The following PKIB variants were observed in gnomAD, a reference collection of about 807,000 sequenced individuals.
The protein encoded by PKIB is cAMP-dependent protein kinase inhibitor beta, also known as PKI-beta.
Under a neutral mutation model 4.5 loss-of-function variants are expected in PKIB, and 2 were observed. The observed-to-expected ratio is 0.44, with a 90% CI of 0.18 to 1.39. The LOEUF (loss-of-function observed/expected upper bound fraction) is 1.39, where lower values mean the gene tolerates loss of function less well. Among genes scored for constraint, PKIB ranks in the 40% most tolerant of loss-of-function variants. The pLI, the probability that PKIB is intolerant of heterozygous loss-of-function variation, is 0.27. For missense variants in PKIB, 94 were observed against 92.6 expected (o/e 1.02, Z -0.06); for synonymous variants, 38 against 36.0 (o/e 1.06, Z -0.20).
At chr6:122,508,446 T>G (rs1776485497) in intron 2 of PKIB, among the ~76,000 whole-genome samples, 2 of 152,180 alleles carry the variant, frequency 1.3e-5, no homozygotes, top group Non-Finnish European at 2.9e-5. Flanking sequence ...TTGATATTTG[T>G]TTTTAAGTCC....
intron 1 of PKIB, among the ~76,000 whole-genome samples, chr6:122,632,516 G>A (rs1775743207): frequency 6.6e-6 from 1 of 152,122 alleles, no homozygotes; most frequent in Non-Finnish European, 1.5e-5. Flanking sequence ...AAAATAACTA[G>A]GTTGTTTTCC....
chr6:122,624,024 A>T (rs1053007237), intron 1 of PKIB, among the ~76,000 whole-genome samples: 1 of 152,172 alleles, frequency 6.6e-6, no homozygotes, highest in Non-Finnish European at 1.5e-5. Context: ...TACTATTATT[A>T]TAGATATTTT....
At chr6:122,494,686 T>G (rs973848639) in intron 2 of PKIB, among the ~76,000 whole-genome samples, 3 of 152,092 alleles carry the variant, frequency 2.0e-5, no homozygotes, top group Admixed American at 1.3e-4. Flanking sequence ...GCTCTTCAAG[T>G]GGGTCATCAA....
intron 3 of PKIB, among the ~76,000 whole-genome samples, chr6:122,586,753 C>A (rs1011051387): frequency 3.9e-5 from 6 of 152,046 alleles, no homozygotes; most frequent in Non-Finnish European, 8.8e-5. Context: ...GACAACGGAG[C>A]AGATGGGTCT....
chr6:122,517,795 G>A (rs755336693), intron 2 of PKIB, among the ~76,000 whole-genome samples: 11 of 152,180 alleles, frequency 7.2e-5, no homozygotes, highest in Non-Finnish European at 1.2e-4. Context: ...ATCACTGAAT[G>A]TGTCAAATCC....
At chr6:122,560,575 T>C (rs1190507854) in intron 2 of PKIB, among the ~76,000 whole-genome samples, 1 of 152,132 alleles carries the variant, frequency 6.6e-6, no homozygotes, top group Non-Finnish European at 1.5e-5. Flanking sequence ...GGAGGGTTCC[T>C]TCTTTCTCTA....
chr6:122,493,529 T>C (rs1457213234), intron 2 of PKIB: 2 of 152,240 alleles, frequency 1.3e-5, no homozygotes, highest in African/African-American at 4.8e-5. Context: ...TCTTCATGTT[T>C]CTAACAGATT....
intron 3 of PKIB, among the ~76,000 whole-genome samples, chr6:122,716,214 AT>A (rs1779488609): frequency 6.6e-6 from 1 of 152,200 alleles, no homozygotes; most frequent in South Asian, 2.1e-4. Flanking sequence ...GAGTTCATTT[AT>A]TCTTTATCTC....
At chr6:122,512,480 T>A (rs1776615022) in intron 2 of PKIB, among the ~76,000 whole-genome samples, 1 of 152,224 alleles carries the variant, frequency 6.6e-6, no homozygotes, top group African/African-American at 2.4e-5. Context: ...ATAAATGGAT[T>A]TAACATTTAA....
At chr6:122,545,814 A>C (rs984701424) in intron 2 of PKIB, among the ~76,000 whole-genome samples, 6 of 151,364 alleles carry the variant, frequency 4.0e-5, no homozygotes. Context: ...AAAATAAATG[A>C]ATAAATAAAG....
chr6:122,513,413 G>C (rs768069191), intron 2 of PKIB, among the ~76,000 whole-genome samples: 3 of 152,124 alleles, frequency 2.0e-5, no homozygotes, highest in Non-Finnish European at 4.4e-5. Flanking sequence ...ATCCTGGAGT[G>C]AAAGAACGAC....
At chr6:122,690,915 G>GAT (rs55770226) in intron 3 of PKIB, among the ~76,000 whole-genome samples, 10,907 of 84,622 alleles carry the variant, frequency 0.13, 505 homozygotes, top group South Asian at 0.21. Flanking sequence ...ATGCTTGAAG[G>GAT]ATATATATAT....
chr6:122,606,150 T>G (rs1174067099), upstream of PKIB, among the ~76,000 whole-genome samples: 1 of 152,164 alleles, frequency 6.6e-6, no homozygotes, highest in Non-Finnish European at 1.5e-5. Context: ...ACAAATGTCC[T>G]TATAAGAAGA....
chr6:122,650,038 G>A (rs930817020), intron 2 of PKIB, among the ~76,000 whole-genome samples: 7 of 152,112 alleles, frequency 4.6e-5, no homozygotes, highest in Non-Finnish European at 8.8e-5. Context: ...TGGGTCACTC[G>A]ATAAATTGGC....
chr6:122,717,160 C>A (rs892296862), intron 3 of PKIB, among the ~76,000 whole-genome samples: 6 of 151,740 alleles, frequency 4.0e-5, no homozygotes, highest in African/African-American at 1.2e-4. Flanking sequence ...TAGGAAAGAA[C>A]TAGTAATTAC....
chr6:122,560,816 A>G (rs910917054), intron 2 of PKIB, among the ~76,000 whole-genome samples: 1 of 151,984 alleles, frequency 6.6e-6, no homozygotes, highest in East Asian at 1.9e-4. Flanking sequence ...TAAGTTTTCT[A>G]GTTTATGTTC....
chr6:122,660,758 C>T (rs1048880551), intron 2 of PKIB, among the ~76,000 whole-genome samples: 2 of 151,998 alleles, frequency 1.3e-5, no homozygotes, highest in African/African-American at 4.8e-5. Context: ...GGAAAATGTT[C>T]CCATATGGAA....
intron 2 of PKIB, among the ~76,000 whole-genome samples, chr6:122,670,505 TTG>T (rs1340618822): frequency 7.4e-6 from 1 of 135,252 alleles, no homozygotes; most frequent in Non-Finnish European, 1.7e-5. Context: ...GTTTTTGTTG[TTG>T]TTGTTGTTGT....
At chr6:122,593,277 G>A (rs1055934514) in intron 3 of PKIB, among the ~76,000 whole-genome samples, 10 of 152,102 alleles carry the variant, frequency 6.6e-5, no homozygotes, top group Admixed American at 4.6e-4. Context: ...TAATCCAGGG[G>A]CAGCGGTAGA....
Sources: allele counts gnomAD v4.1 joint callset (sites outside exome capture counted in the v4.1 genomes callset), GRCh38; gene constraint gnomAD v4.1.1; transcripts MANE v1.5; gene names NCBI Gene and HGNC (gene_info 2026-07-23, HGNC 2026-07-21).